The following ATF2 variants were observed in gnomAD, a reference collection of about 807,000 sequenced individuals.
ATF2 encodes activating transcription factor 2.
ATF2 carries 24 observed loss-of-function variants against 60.6 expected under a neutral mutation model. The observed-to-expected ratio is 0.40, with a 90% CI of 0.29 to 0.56. The LOEUF is 0.56. Ranked by LOEUF, ATF2 falls within the 20% of genes least tolerant of loss-of-function variation. The pLI is 0.54. For synonymous variants in ATF2, 206 were observed against 215.4 expected, an observed-to-expected ratio of 0.96 and a Z score of 0.38; for missense variants, 433 against 607.7, an observed-to-expected ratio of 0.71 and a Z score of 3.02.
At chr2:175,132,533 G>T (rs535399311) in intron 3 of ATF2, among the ~76,000 whole-genome samples, 1 of 152,074 alleles carries the variant, frequency 6.6e-6, no homozygotes, top group South Asian at 2.1e-4. Context: ...CCTTTTGCTC[G>T]TATTTTAAGA....
chr2:175,127,609 C>T (rs926955239), intron 4 of ATF2, among the ~76,000 whole-genome samples: 4 of 152,134 alleles, frequency 2.6e-5, no homozygotes, highest in Non-Finnish European at 5.9e-5. Context: ...CCTCTCTTAA[C>T]CTTCTCTCTG....
chr2:175,157,114 T>C (rs377305198), intron 1 of ATF2, among the ~76,000 whole-genome samples: 2 of 152,350 alleles, frequency 1.3e-5, no homozygotes, highest in African/African-American at 2.4e-5. Flanking sequence ...TTTCTAAAGA[T>C]GCACTCAAAT....
intron 13 of ATF2, among the ~76,000 whole-genome samples, chr2:175,079,251 C>T (rs212350): frequency 0.097 from 14,753 of 152,110 alleles, 809 homozygotes; most frequent in Middle Eastern, 0.17. Flanking sequence ...ACAGGTAATT[C>T]TGAATTGGAT....
At chr2:175,150,244 T>G (rs2105809422) in intron 2 of ATF2, among the ~76,000 whole-genome samples, 1 of 152,292 alleles carries the variant, frequency 6.6e-6, no homozygotes, top group South Asian at 2.1e-4. Flanking sequence ...TTAGAATAAC[T>G]ATACTTTTAT....
rs566427990 is a variant in ATF2, at chr2:175,137,778, C to T, written c.-43-1292G>A. 2.0e-5 allele frequency among the ~76,000 whole-genome samples: 3 copies of T among 152,200 alleles called. No individual in the cohort carries two copies. In the South Asian group the frequency reaches 6.2e-4, roughly 32 times the overall value. ...CCTCCTCTACAAAACAAGTTTCTTA[C>T]CTACACAGCAGCCCATTTCTTAGCC... On this transcript the variant is annotated intron_variant, in intron 2 of 13. Transcript: ENST00000264110.
rs16863035 is a variant in ATF2, at chr2:175,101,759, T to C, written c.829-4166A>G. Among the ~76,000 whole-genome samples, 1,389 of 152,314 alleles carry C rather than the reference T, an allele frequency of 9.1e-3. 50 individuals carry two copies. Among genetic ancestry groups the C allele is most frequent in the Admixed American group, 0.075 (1,146 of 15,298 alleles). On this transcript the variant is annotated intron_variant, in intron 10 of 13. Transcript: ENST00000264110. Reference sequence around the variant, plus strand: ...TCCTTGACTGCCCTAGGGTATACAGTACTCATCCAGTGAGGAAGCTCTAAT... The same window carrying C: ...TCCTTGACTGCCCTAGGGTATACAGCACTCATCCAGTGAGGAAGCTCTAAT...
At chr2:175,134,375 G>A (rs1398894131) in intron 3 of ATF2, among the ~76,000 whole-genome samples, 2 of 151,506 alleles carry the variant, frequency 1.3e-5, no homozygotes, top group Admixed American at 6.6e-5. Flanking sequence ...AGATATTGAG[G>A]AACAACTGTA....
At chr2:175,114,325 T>A in intron 8 of ATF2, 2 of 1,291,694 alleles carry the variant, frequency 1.5e-6, no homozygotes, top group Non-Finnish European at 2.0e-6. Flanking sequence ...ATGGATTTAC[T>A]TAGGACAATC....
intron 2 of ATF2, among the ~76,000 whole-genome samples, chr2:175,146,030 T>G (rs1356513752): frequency 6.6e-6 from 1 of 152,190 alleles, no homozygotes; most frequent in Non-Finnish European, 1.5e-5. Context: ...AATCAAGTGA[T>G]GTGACTTAAC....
intron 12 of ATF2, among the ~76,000 whole-genome samples, chr2:175,092,249 G>A (rs1043435110): frequency 5.9e-5 from 9 of 152,154 alleles, no homozygotes; most frequent in African/African-American, 2.2e-4. Flanking sequence ...TGATTATACA[G>A]AAAGATTCAC....
chr2:175,111,697 C>T (rs1696202609), intron 9 of ATF2, 43 bp from the exon 10 acceptor site: 1 of 1,522,136 alleles, frequency 6.6e-7, no homozygotes, highest in South Asian at 1.1e-5. Flanking sequence ...AGAATATATT[C>T]AAAATGAGAT....
At chr2:175,164,870 G>C (rs1444516425) in intron 1 of ATF2, among the ~76,000 whole-genome samples, 1 of 152,158 alleles carries the variant, frequency 6.6e-6, no homozygotes, top group Non-Finnish European at 1.5e-5. Context: ...TTTTTGTTTT[G>C]TTTTGAGATG....
intron 10 of ATF2, among the ~76,000 whole-genome samples, chr2:175,101,349 C>T (rs190083566): frequency 6.6e-6 from 1 of 151,332 alleles, no homozygotes; most frequent in African/African-American, 2.4e-5. Context: ...CTTGGGAGGT[C>T]GCCAGTCTGC....
chr2:175,096,788 T>C (rs1324477167), intron 11 of ATF2, among the ~76,000 whole-genome samples: 1 of 152,196 alleles, frequency 6.6e-6, no homozygotes, highest in African/African-American at 2.4e-5. Context: ...AACGTAAGAT[T>C]TAGTTACATA....
intron 7 of ATF2, among the ~76,000 whole-genome samples, chr2:175,115,596 G>A (rs955121720): frequency 3.3e-5 from 5 of 152,144 alleles, no homozygotes; most frequent in Non-Finnish European, 5.9e-5. Context: ...GGTCTATGGT[G>A]TTTTATGAAT....
At chr2:175,144,083 T>A (rs1229142065) in intron 2 of ATF2, among the ~76,000 whole-genome samples, 1 of 152,130 alleles carries the variant, frequency 6.6e-6, no homozygotes, top group African/African-American at 2.4e-5. Flanking sequence ...CATGAGGCAC[T>A]GCACCTGATT....
chr2:175,133,485 A>T (rs1462609158), intron 3 of ATF2, among the ~76,000 whole-genome samples: 28 of 152,228 alleles, frequency 1.8e-4, no homozygotes, highest in Admixed American at 1.8e-3. Flanking sequence ...TCCCTTGACA[A>T]CAGTAGTTTA....
chr2:175,083,150 A>C (rs906744618), intron 12 of ATF2, among the ~76,000 whole-genome samples: 1 of 151,848 alleles, frequency 6.6e-6, no homozygotes, highest in African/African-American at 2.4e-5. Context: ...AAACTACTTT[A>C]AAGTTCATAT....
intron 7 of ATF2, 92 bp downstream of exon 7, chr2:175,117,898 T>C: frequency 2.2e-6 from 3 of 1,361,568 alleles, no homozygotes; most frequent in Non-Finnish European, 2.9e-6. Context: ...TGACACTGAA[T>C]TTAATACATT....
Sources: allele counts gnomAD v4.1 joint callset (sites outside exome capture counted in the v4.1 genomes callset), GRCh38; gene constraint gnomAD v4.1.1; transcripts MANE v1.5; gene names NCBI Gene and HGNC (gene_info 2026-07-23, HGNC 2026-07-21).